EPS8: variants seen among roughly 807,000 people sequenced by gnomAD.
EPS8 encodes the protein EGFR pathway substrate 8, signaling adaptor.
EPS8 carries 42 observed loss-of-function variants against 103.8 expected under a neutral mutation model. The observed-to-expected ratio is 0.40, with a 90% confidence interval of 0.32 to 0.52. The LOEUF (loss-of-function observed/expected upper bound fraction) is 0.52. Ranked by LOEUF, EPS8 falls within the 20% of genes least tolerant of loss-of-function variation. The probability of loss-of-function intolerance (pLI) is 0.40; values close to 1 mark genes in which losing one functional copy is unlikely to be tolerated. For synonymous variants in EPS8, 344 were observed against 344.6 expected, an observed-to-expected ratio of 1.00 and a Z score of 0.02; for missense variants, 969 against 1,005.1, an observed-to-expected ratio of 0.96 and a Z score of 0.49.
intron 1 of EPS8, among the ~76,000 whole-genome samples, chr12:15,709,045 T>C (rs1028748306): frequency 6.6e-6 from 1 of 152,224 alleles, no homozygotes. Flanking sequence ...TGTCCCCAAA[T>C]GTCCATTCCA....
intron 15 of EPS8, 78 bp downstream of exon 15, chr12:15,647,049 C>T: frequency 1.4e-6 from 2 of 1,382,022 alleles, no homozygotes; most frequent in Non-Finnish European, 2.0e-6. Context: ...GTAGACAATA[C>T]AGACACTGTC....
At chr12:15,636,281 T>G (rs975927470) in intron 17 of EPS8, among the ~76,000 whole-genome samples, 1 of 152,152 alleles carries the variant, frequency 6.6e-6, no homozygotes, top group Non-Finnish European at 1.5e-5. Flanking sequence ...ATGTTATCTC[T>G]CCATAATCTC....
rs536979166 is a variant in EPS8, at chr12:15,762,628, T to C, written c.-22+26533A>G. Among the ~76,000 whole-genome samples the C allele has an allele frequency of 6.6e-6, 1 of 152,230 alleles. No homozygotes were observed. The highest frequency in any genetic ancestry group is 2.1e-4 in the South Asian group (1 of 4,822). On this transcript the variant is annotated intron_variant, in intron 1 of 20. Transcript: ENST00000281172. This position sits in a 1 kb window ranked among gnomAD's most constrained non-coding sequence, Gnocchi z 4.8. The stretch of plus-strand genomic sequence containing the variant: ...AAATGAATCCTGTCATTTGCAACAA[T>C]ACAGGTGGAACTGGAAGTCATTACG...
intron 1 of EPS8, among the ~76,000 whole-genome samples, chr12:15,774,436 G>A (rs1947186339): frequency 6.7e-6 from 1 of 150,320 alleles, no homozygotes; most frequent in African/African-American, 2.5e-5. Context: ...AGATCACAAG[G>A]TTGCCACAGG....
In EPS8 at chr12:15,714,732, A is replaced by G. The variant is rs146050086; in HGVS notation, c.-21-31760T>C. On this transcript the variant is annotated intron_variant, in intron 1 of 20. Transcript: ENST00000281172. The surrounding 1 kb of genome is among the most constrained non-coding windows in gnomAD (Gnocchi z 4.1). ...AATGGGAAATGGGTAAAAAACAAAA[A>G]TACATTCTCTGTATAGTGCACTCAG... 6.6e-6 allele frequency among the ~76,000 whole-genome samples: 1 copy of G among 152,334 alleles called. No homozygotes were observed. Among genetic ancestry groups the G allele is most frequent in the Non-Finnish European group, 1.5e-5 (1 of 68,032 alleles).
At chr12:15,622,992 C>A (rs1565462751) in intron 20 of EPS8, among the ~76,000 whole-genome samples, 166 bp downstream of exon 20, 1 of 152,146 alleles carries the variant, frequency 6.6e-6, no homozygotes, top group Admixed American at 6.6e-5. Flanking sequence ...AACAAATTAA[C>A]CTTCTGGAAA....
intron 20 of EPS8, 144 bp downstream of exon 20, chr12:15,623,014 G>T: frequency 1.4e-6 from 1 of 715,600 alleles, no homozygotes; most frequent in Non-Finnish European, 2.3e-6. Context: ...TGTCATTGAT[G>T]ATCTCAGTGA....
intron 1 of EPS8, among the ~76,000 whole-genome samples, chr12:15,705,888 C>G (rs140458027): frequency 6.6e-6 from 1 of 152,148 alleles, no homozygotes; most frequent in African/African-American, 2.4e-5. Flanking sequence ...CATTAAAACC[C>G]TCAATGTTTG....
chr12:15,677,557 C>T (rs1217368179), intron 3 of EPS8, among the ~76,000 whole-genome samples: 1 of 152,144 alleles, frequency 6.6e-6, no homozygotes, highest in Non-Finnish European at 1.5e-5. Context: ...CATGTACCAC[C>T]CATGAAGGCA....
rs755664982 is a variant in EPS8 at position 15,631,528 on chromosome 12, T to C, written c.1958A>G (p.Asn653Ser). The C allele has an allele frequency of 1.2e-6, 2 of 1,613,906 alleles. No individual in the cohort carries two copies. The highest frequency in any genetic ancestry group is 2.2e-5 in the South Asian group (2 of 91,068). ...GGAGCTGCTGTTTTGACGTGTTATA[T>C]TTGCTGGGACCTTTGACACAGGAAC... ...APVPVSKVPA[N>S]ITRQNSSSSD... The change falls in exon 18 of 21, where the codon AAT becomes AGT. Residue 653 changes from asparagine (N) to serine (S), a missense_variant. Coordinates refer to ENST00000281172, the MANE Select transcript of EPS8 (RefSeq NM_004447.6).
At position 15,776,897 on chromosome 12, in the gene EPS8, T is replaced by C. The variant is rs983004959; in HGVS notation, c.-22+12264A>G. Among the ~76,000 whole-genome samples the C allele has an allele frequency of 1.1e-4, 17 of 152,236 alleles. No individual in the cohort carries two copies. Among genetic ancestry groups the C allele is most frequent in the East Asian group, 7.7e-4 (4 of 5,202 alleles). On this transcript the variant is annotated intron_variant, in intron 1 of 20. Transcript: ENST00000281172. This position sits in a 1 kb window ranked among gnomAD's most constrained non-coding sequence, Gnocchi z 4.2. ...AAAATTTCATATTTCCCAGTAATGA[T>C]AGTTTGATTTTATCAATGCCTTTGA...
At position 15,706,093 on chromosome 12, in the gene EPS8, G is replaced by A. The variant is rs1233633896; in HGVS notation, c.-21-23121C>T. 6.6e-6 allele frequency among the ~76,000 whole-genome samples: 1 copy of A among 151,928 alleles called. No homozygotes were observed. The highest frequency in any genetic ancestry group is 1.5e-5 in the Non-Finnish European group (1 of 67,994). ...TCTTTCCTTCTGTCTCCAAATCCCA[G>A]TCTTCTCCTCACCTAAGGTTACTCT... is the stretch of plus-strand genomic sequence containing the variant. On this transcript the variant is annotated intron_variant, in intron 1 of 20. Transcript: ENST00000281172. The surrounding 1 kb of genome is among the most constrained non-coding windows in gnomAD (Gnocchi z 5.2).
At chr12:15,650,687 C>T in intron 14 of EPS8, 136 bp downstream of exon 14, 1 of 746,744 alleles carries the variant, frequency 1.3e-6, no homozygotes. Context: ...AGAGGTAATT[C>T]AGGACAGGGT....
At chr12:15,643,881 G>C (rs1237850586) in intron 15 of EPS8, among the ~76,000 whole-genome samples, 1 of 151,982 alleles carries the variant, frequency 6.6e-6, no homozygotes, top group African/African-American at 2.4e-5. Context: ...GCAGTAATTT[G>C]AGAACTTCTC....
intron 1 of EPS8, among the ~76,000 whole-genome samples, chr12:15,739,454 C>T (rs145469144): frequency 7.7e-4 from 117 of 152,216 alleles, no homozygotes; most frequent in African/African-American, 2.7e-3. Flanking sequence ...GGATCTGCTG[C>T]CCTGAATGTG....
rs773916577 is a variant in EPS8 at position 15,681,223 on chromosome 12, T to C, written c.136+3A>G. On this transcript the variant is annotated splice_donor_region_variant and intron_variant, in intron 3 of 20. Transcript: ENST00000281172. ...TTATACCCTATCAAATAAACAAACC[T>C]ACCATAAAGGGCCTTTGCACTTGTT... The C allele has an allele frequency of 1.3e-6, 2 of 1,515,932 alleles. No individual in the cohort carries two copies. Among genetic ancestry groups the C allele is most frequent in the Non-Finnish European group, 1.8e-6 (2 of 1,116,274 alleles). 93.9% of individuals were successfully genotyped at this position (1,515,932 alleles called of 1,614,324 possible). A position where few individuals can be genotyped will look rare whatever the true frequency, so the allele number is the denominator to read the frequency against.
At chr12:15,708,795 G>T (rs1235800143) in intron 1 of EPS8, among the ~76,000 whole-genome samples, 1 of 152,206 alleles carries the variant, frequency 6.6e-6, no homozygotes, top group Non-Finnish European at 1.5e-5. Context: ...CACAGAAAAT[G>T]TTATCTGAGT....
chr12:15,701,518 G>T lies in EPS8; in HGVS notation c.-21-18546C>A, dbSNP rs1178906622. On this transcript the variant is annotated intron_variant, in intron 1 of 20. Coordinates refer to ENST00000281172, the MANE Select transcript of EPS8 (RefSeq NM_004447.6). The surrounding 1 kb of genome is among the most constrained non-coding windows in gnomAD (Gnocchi z 5.1). ...CACACAATTACACATATACAGATAT[G>T]TATTAACATTTCACATCTACATAAT... Among the ~76,000 whole-genome samples the T allele has an allele frequency of 1.3e-5, 2 of 152,286 alleles. No individual in the cohort carries two copies. Among genetic ancestry groups the T allele is most frequent in the Non-Finnish European group, 1.5e-5 (1 of 68,014 alleles).
rs1345854893 is a variant in EPS8 at position 15,701,072 on chromosome 12, A to G, written c.-21-18100T>C. ...TCTCTTAATGATAAACAACCTTATG[A>G]CTTCAATCTGCTAAATTAACTAATA... On this transcript the variant is annotated intron_variant, in intron 1 of 20. Transcript: ENST00000281172. The surrounding 1 kb of genome is among the most constrained non-coding windows in gnomAD (Gnocchi z 5.1). Among the ~76,000 whole-genome samples, 2 of 152,204 alleles carry G rather than the reference A, an allele frequency of 1.3e-5. No homozygotes were observed. The highest frequency in any genetic ancestry group is 3.9e-4 in the East Asian group (2 of 5,194).
Sources: gnomAD v4.1 joint callset for allele counts (sites outside exome capture counted in the v4.1 genomes callset) on GRCh38, gnomAD v4.1.1 for gene constraint, Gnocchi (gnomAD v3.1) non-coding constraint, MANE v1.5 for transcripts, NCBI Gene and HGNC (gene_info 2026-07-23, HGNC 2026-07-21) for gene names.